The following TTC13 variants were observed in gnomAD, a reference collection of about 807,000 sequenced individuals.
TTC13 encodes tetratricopeptide repeat protein 13.
In TTC13, 62 loss-of-function variants were observed where a neutral mutation model predicts 120.0. That is an observed-to-expected ratio of 0.52 (90% CI 0.42 to 0.64). The LOEUF is 0.64. Among genes scored for constraint, TTC13 ranks in the 30% least tolerant of loss-of-function variants. TTC13 has a pLI of 0.00. For synonymous variants in TTC13, 384 were observed against 393.5 expected, an observed-to-expected ratio of 0.98 and a Z score of 0.28; for missense variants, 824 against 1,050.2, an observed-to-expected ratio of 0.78 and a Z score of 2.98.
chr1:230,934,136 A>AC (rs1274452214), intron 8 of TTC13, among the ~76,000 whole-genome samples: 1 of 152,178 alleles, frequency 6.6e-6, no homozygotes, highest in African/African-American at 2.4e-5. Context: ...ATTACTAGCT[A>AC]CTTCATTAAA....
chr1:230,929,317 G>A (rs1673328345), intron 11 of TTC13, among the ~76,000 whole-genome samples: 1 of 77,122 alleles, frequency 1.3e-5, no homozygotes, highest in Admixed American at 1.7e-4. Flanking sequence ...GTCTACTTTG[G>A]CTACATTTTT....
chr1:230,957,834 CTTAAAGTTTAAGTT>C (rs1676244679), intron 3 of TTC13, among the ~76,000 whole-genome samples: 13 of 70,356 alleles, frequency 1.8e-4, no homozygotes, highest in Non-Finnish European at 2.9e-4. Flanking sequence ...AGTAAAATAA[CTTAAAGTTTAAGTT>C]AAAATAACTT....
At chr1:230,917,641 C>A (rs1672166493) in intron 17 of TTC13, among the ~76,000 whole-genome samples, 1 of 152,110 alleles carries the variant, frequency 6.6e-6, no homozygotes, top group Admixed American at 6.5e-5. Flanking sequence ...CCGCAGAGAA[C>A]AAACATCTTA....
chr1:230,937,687 A>T (rs1056429700), intron 8 of TTC13, among the ~76,000 whole-genome samples: 1 of 152,246 alleles, frequency 6.6e-6, no homozygotes, highest in African/African-American at 2.4e-5. Context: ...TTTTAGTGGG[A>T]TGGGAGTTTT....
chr1:230,954,280 T>C, intron 4 of TTC13, 53 bp downstream of exon 4: 1 of 1,311,192 alleles, frequency 7.6e-7, no homozygotes, highest in South Asian at 1.2e-5. Flanking sequence ...CATTAGTCCA[T>C]ATTTTTGTCA....
chr1:230,965,132 A>G (rs1006189049), intron 1 of TTC13, among the ~76,000 whole-genome samples: 1 of 152,226 alleles, frequency 6.6e-6, no homozygotes, highest in Non-Finnish European at 1.5e-5. Context: ...AAATGGGATC[A>G]TGTCAAGTTG....
At chr1:230,963,094 A>C (rs1234643323) in intron 1 of TTC13, among the ~76,000 whole-genome samples, 1 of 152,216 alleles carries the variant, frequency 6.6e-6, no homozygotes, top group Non-Finnish European at 1.5e-5. Context: ...TATTGCAAAA[A>C]AAGATATGTT....
chr1:230,966,318 T>A (rs575252327), intron 1 of TTC13, among the ~76,000 whole-genome samples: 1 of 152,088 alleles, frequency 6.6e-6, no homozygotes, highest in East Asian at 1.9e-4. Context: ...CTTCAGTCAG[T>A]TTTTTAAGTT....
At chr1:230,920,102 A>G (rs1022892837) in intron 17 of TTC13, among the ~76,000 whole-genome samples, 2 of 152,140 alleles carry the variant, frequency 1.3e-5, no homozygotes, top group South Asian at 4.1e-4. Flanking sequence ...TGGGCTCCAC[A>G]TTACCGTGCA....
At chr1:230,909,344 A>C (rs1478794098) in intron 20 of TTC13, among the ~76,000 whole-genome samples, 1 of 150,056 alleles carries the variant, frequency 6.7e-6, no homozygotes, top group African/African-American at 2.5e-5. Context: ...AAAACACAAA[A>C]ATTAGGCCAG....
At chr1:230,937,389 G>C (rs770615382) in intron 8 of TTC13, among the ~76,000 whole-genome samples, 1 of 152,150 alleles carries the variant, frequency 6.6e-6, no homozygotes, top group Non-Finnish European at 1.5e-5. Flanking sequence ...TCCTCCATGA[G>C]ATATCCAAGG....
intron 1 of TTC13, among the ~76,000 whole-genome samples, chr1:230,969,984 T>C (rs1677557266): frequency 6.6e-6 from 1 of 152,214 alleles, no homozygotes; most frequent in Admixed American, 6.5e-5. Context: ...TTCTTTTGAT[T>C]CTCCATCCTC....
At chr1:230,914,023 C>T (rs974540507) in intron 18 of TTC13, among the ~76,000 whole-genome samples, 1 of 152,116 alleles carries the variant, frequency 6.6e-6, no homozygotes, top group African/African-American at 2.4e-5. Flanking sequence ...TGAGGTGGAG[C>T]TCTAGCAACA....
intron 3 of TTC13, among the ~76,000 whole-genome samples, chr1:230,957,822 T>C (rs1393436840): frequency 1.3e-5 from 2 of 150,632 alleles, no homozygotes; most frequent in African/African-American, 2.4e-5. Context: ...ACTAGCCTCA[T>C]GAGTAAAATA....
At chr1:230,948,206 G>A (rs1029811176) in intron 4 of TTC13, among the ~76,000 whole-genome samples, 2 of 151,826 alleles carry the variant, frequency 1.3e-5, no homozygotes, top group African/African-American at 4.8e-5. Flanking sequence ...TTACAATCCA[G>A]TACACACATA....
At position 230,944,339 on chromosome 1, in the gene TTC13, T is replaced by C. The variant is rs1399268642; in HGVS notation, c.580-441A>G. On this transcript the variant is annotated intron_variant, in intron 5 of 22. Transcript: ENST00000366661. The surrounding 1 kb of genome is among the most constrained non-coding windows in gnomAD (Gnocchi z 4.0). Reference sequence around the variant, plus strand: ...CCTTAAGAAGTTTAGGTACATTCTCTTTAACATTTGCACATTATTTTTACA... The same window carrying C: ...CCTTAAGAAGTTTAGGTACATTCTCCTTAACATTTGCACATTATTTTTACA... Among the ~76,000 whole-genome samples, 1 of 152,238 alleles carries C rather than the reference T, an allele frequency of 6.6e-6. No homozygotes were observed. The highest frequency in any genetic ancestry group is 1.5e-5 in the Non-Finnish European group (1 of 68,040).
At chr1:230,961,442 G>T (rs1029715387) in intron 1 of TTC13, 139 bp from the exon 2 acceptor site, 40 of 624,070 alleles carry the variant, frequency 6.4e-5, no homozygotes, top group Middle Eastern at 7.1e-4. Context: ...CAACCAGCTG[G>T]GCACAGTGCC....
At chr1:230,958,928 G>A (rs982332930) in intron 2 of TTC13, among the ~76,000 whole-genome samples, 6 of 152,186 alleles carry the variant, frequency 3.9e-5, no homozygotes, top group Non-Finnish European at 7.3e-5. Flanking sequence ...CCGGGAGGTC[G>A]AGGCTGCAGG....
intron 1 of TTC13, among the ~76,000 whole-genome samples, chr1:230,977,236 G>A (rs1393676765): frequency 2.6e-5 from 4 of 152,114 alleles, no homozygotes; most frequent in South Asian, 4.1e-4. Context: ...ACAGCACCTG[G>A]CATACAGCAA....
Sources: allele counts gnomAD v4.1 joint callset (sites outside exome capture counted in the v4.1 genomes callset), GRCh38; gene constraint gnomAD v4.1.1; non-coding constraint Gnocchi (gnomAD v3.1); transcripts MANE v1.5; gene names NCBI Gene and HGNC (gene_info 2026-07-23, HGNC 2026-07-21).